The following SRGAP1 variants were observed in gnomAD, a reference collection of about 807,000 sequenced individuals.
The protein encoded by SRGAP1 is SLIT-ROBO Rho GTPase-activating protein 1.
Under a neutral mutation model 121.9 loss-of-function variants are expected in SRGAP1, and 43 were observed. That is an observed-to-expected ratio of 0.35 (90% CI 0.28 to 0.46). The LOEUF (loss-of-function observed/expected upper bound fraction) is 0.46. Among genes scored for constraint, SRGAP1 ranks in the 20% least tolerant of loss-of-function variants. The pLI, the probability that SRGAP1 is intolerant of heterozygous loss-of-function variation, is 1.00. For synonymous variants in SRGAP1, 447 were observed against 485.4 expected (o/e 0.92, Z 1.04); for missense variants, 1,102 against 1,350.9 (o/e 0.82, Z 2.89).
chr12:64,082,001 C>CTTTTTTTTTTTTTTTTTTTT lies in SRGAP1; in HGVS notation c.1408+1633_1408+1652dup. ...TTTCCCTCACAGTGTCATGTAAGGT[C>CTTTTTTTTTTTTTTTTTTTT]TTTTTTTTTTTTTTTTTTTTTCAAT... On this transcript the variant is annotated intron_variant, in intron 10 of 21. Transcript: ENST00000355086. The CTTTTTTTTTTTTTTTTTTTT allele has an allele frequency of 6.2e-4, 41 of 66,124 alleles. 1 individual carries two copies. Among genetic ancestry groups the CTTTTTTTTTTTTTTTTTTTT allele is most frequent in the Non-Finnish European group, 6.7e-4 (27 of 40,168 alleles). 4.1% of individuals were successfully genotyped at this position (66,124 alleles called of 1,614,324 possible). A position where few individuals can be genotyped will look rare whatever the true frequency, so the allele number is the denominator to read the frequency against.
At chr12:63,983,853 T>TTCGTG in intron 1 of SRGAP1, 94 bp from the exon 2 acceptor site, 1 of 94,938 alleles carries the variant, frequency 1.1e-5, no homozygotes. Flanking sequence ...TATATATATA[T>TTCGTG]ATTTATATAT....
intron 1 of SRGAP1, among the ~76,000 whole-genome samples, chr12:63,856,631 ACT>A (rs4045072): frequency 0.28 from 42,960 of 151,904 alleles, 6,972 homozygotes; most frequent in East Asian, 0.55. Context: ...ATTTTTGGAC[ACT>A]CTATTGTGTT....
intron 1 of SRGAP1, among the ~76,000 whole-genome samples, chr12:63,952,618 A>C (rs1489497776): frequency 6.6e-6 from 1 of 152,116 alleles, no homozygotes; most frequent in Admixed American, 6.5e-5. Context: ...TGCCTTTGAC[A>C]CACCAAATAG....
chr12:63,984,566 C>T (rs543752044), intron 2 of SRGAP1, among the ~76,000 whole-genome samples: 3 of 152,016 alleles, frequency 2.0e-5, no homozygotes, highest in Non-Finnish European at 2.9e-5. Context: ...CCTTCCTGCC[C>T]ATCATGTTTA....
intron 1 of SRGAP1, among the ~76,000 whole-genome samples, chr12:63,977,028 T>C (rs1399459918): frequency 1.3e-5 from 2 of 151,918 alleles, no homozygotes; most frequent in Non-Finnish European, 2.9e-5. Context: ...TTCAGTTGAT[T>C]CACTTAAAAA....
intron 1 of SRGAP1, among the ~76,000 whole-genome samples, chr12:63,936,932 T>A (rs2031680727): frequency 6.6e-6 from 1 of 152,354 alleles, no homozygotes; most frequent in Non-Finnish European, 1.5e-5. Flanking sequence ...CAATTCCAAA[T>A]CTTTCTGTTT....
intron 1 of SRGAP1, among the ~76,000 whole-genome samples, chr12:63,877,208 G>C (rs916378856): frequency 8.5e-5 from 13 of 152,126 alleles, no homozygotes; most frequent in Non-Finnish European, 1.9e-4. Context: ...TGGGCAACAA[G>C]AGTGAAACTC....
chr12:63,861,813 A>G (rs146612615), intron 1 of SRGAP1, among the ~76,000 whole-genome samples: 2,116 of 152,086 alleles, frequency 0.014, 36 homozygotes, highest in African/African-American at 0.047. Context: ...ATAGTGAGGC[A>G]CTGTCTCTAT....
At chr12:63,974,023 A>G (rs540349353) in intron 1 of SRGAP1, among the ~76,000 whole-genome samples, 38 of 152,314 alleles carry the variant, frequency 2.5e-4, no homozygotes, top group Middle Eastern at 6.8e-3. Context: ...TTTCTGTAGT[A>G]GTAAAAATCA....
chr12:64,121,857 C>T (rs1047476133), intron 18 of SRGAP1, among the ~76,000 whole-genome samples: 1 of 152,086 alleles, frequency 6.6e-6, no homozygotes, highest in Non-Finnish European at 1.5e-5. Flanking sequence ...AAAAACATTG[C>T]TTACAAAGGA....
intron 1 of SRGAP1, among the ~76,000 whole-genome samples, chr12:63,923,862 G>A (rs1326393809): frequency 6.6e-6 from 1 of 152,216 alleles, no homozygotes; most frequent in African/African-American, 2.4e-5. Context: ...TATGAGCTCA[G>A]CTGGGCATGG....
At chr12:64,026,772 G>A (rs930264775) in intron 4 of SRGAP1, among the ~76,000 whole-genome samples, 3 of 151,748 alleles carry the variant, frequency 2.0e-5, no homozygotes, top group Non-Finnish European at 4.4e-5. Context: ...AGGCTGAGTC[G>A]GGAGAATCGC....
intron 1 of SRGAP1, among the ~76,000 whole-genome samples, chr12:63,951,308 C>T (rs71467162): frequency 1.3e-5 from 2 of 151,732 alleles, no homozygotes; most frequent in African/African-American, 2.4e-5. Context: ...GGATTACAGG[C>T]GCCCACCACC....
intron 1 of SRGAP1, among the ~76,000 whole-genome samples, chr12:63,958,098 T>A (rs1028102487): frequency 6.6e-6 from 1 of 152,158 alleles, no homozygotes; most frequent in Non-Finnish European, 1.5e-5. Flanking sequence ...GATGGGTATA[T>A]ACCCTTAGGA....
At position 64,144,024 on chromosome 12, in the gene SRGAP1, C is replaced by T. The variant is rs1169027729; in HGVS notation, c.*1352C>T. ...TTTTGTATGTGGGCTCTATGTAACT[C>T]CCATAGTCAGCTGAACTCTCAATTG... On this transcript the variant is annotated 3_prime_UTR_variant, in exon 22 of 22. Transcript: ENST00000355086. 6.6e-6 allele frequency: 1 copy of T among 152,156 alleles called. No homozygotes were observed. The highest frequency in any genetic ancestry group is 1.5e-5 in the Non-Finnish European group (1 of 68,056). The allele number at this position is 152,156 out of a possible 1,614,324, so 9.4% of individuals were successfully genotyped here.
In SRGAP1 at chr12:64,117,339, C is replaced by T. The variant is rs555770594; in HGVS notation, c.2224+1446C>T. Among the ~76,000 whole-genome samples the T allele has an allele frequency of 1.5e-3, 221 of 152,106 alleles. 1 individual carries two copies. The highest frequency in any genetic ancestry group is 5.2e-3 in the African/African-American group (217 of 41,506). ...TTTCTGGGCTCTTTTTGTTTGGTTT[C>T]GCTTGGTTTTGTATTTAGTTGTTTT... On this transcript the variant is annotated intron_variant, in intron 18 of 21. Coordinates refer to ENST00000355086, the MANE Select transcript of SRGAP1 (RefSeq NM_020762.4).
At chr12:63,986,802 C>T (rs1320445522) in intron 2 of SRGAP1, among the ~76,000 whole-genome samples, 1 of 152,132 alleles carries the variant, frequency 6.6e-6, no homozygotes, top group African/African-American at 2.4e-5. Flanking sequence ...ATGGATGGGT[C>T]CATGTACCTT....
intron 1 of SRGAP1, among the ~76,000 whole-genome samples, chr12:63,971,520 G>A (rs1012195071): frequency 1.3e-5 from 2 of 152,176 alleles, no homozygotes; most frequent in Non-Finnish European, 2.9e-5. Flanking sequence ...AAAGCTGGAT[G>A]TTTGTGCAGG....
intron 1 of SRGAP1, among the ~76,000 whole-genome samples, chr12:63,952,631 G>T (rs915956213): frequency 6.6e-6 from 1 of 152,100 alleles, no homozygotes; most frequent in East Asian, 1.9e-4. Flanking sequence ...CCAAATAGAA[G>T]TTAGTCCCAG....
Sources: gnomAD v4.1 joint callset for allele counts (sites outside exome capture counted in the v4.1 genomes callset) on GRCh38, gnomAD v4.1.1 for gene constraint, MANE v1.5 for transcripts, NCBI Gene and HGNC (gene_info 2026-07-23, HGNC 2026-07-21) for gene names.